The following WDR44 variants were observed in gnomAD, a reference collection of about 807,000 sequenced individuals.
The protein encoded by WDR44 is WD repeat domain 44, also known as WD repeat-containing protein 44.
In WDR44, 9 loss-of-function variants were observed where a neutral mutation model predicts 65.7. The ratio of observed to expected loss-of-function variants is 0.14; its 90% CI spans 0.08 to 0.24. The LOEUF is 0.24. WDR44 is among the 10% of genes least tolerant of loss of function. The pLI is 1.00. For synonymous variants in WDR44, 220 were observed against 235.2 expected, an observed-to-expected ratio of 0.94 and a Z score of 0.59; for missense variants, 425 against 670.9, an observed-to-expected ratio of 0.63 and a Z score of 4.05.
intron 3 of WDR44, among the ~76,000 whole-genome samples, chrX:118,388,835 TTTACTC>T (rs1411878573): frequency 8.9e-6 from 1 of 111,998 alleles, no homozygotes; most frequent in Non-Finnish European, 1.9e-5. Flanking sequence ...TATTCTGTCT[TTTACTC>T]TTACCATTTT....
chrX:118,437,820 G>A (rs2057266114), intron 14 of WDR44, among the ~76,000 whole-genome samples: 1 of 110,471 alleles, frequency 9.1e-6, no homozygotes, highest in South Asian at 3.8e-4. Flanking sequence ...GGCAGATCAC[G>A]AGGTCAAGAG....
At chrX:118,445,249 C>G (rs1049368450) in intron 19 of WDR44, among the ~76,000 whole-genome samples, 1 of 111,587 alleles carries the variant, frequency 9.0e-6, no homozygotes, top group South Asian at 3.7e-4. Flanking sequence ...GAGCTGAGAT[C>G]GCGCCACTGC....
intron 19 of WDR44, among the ~76,000 whole-genome samples, chrX:118,447,368 C>T (rs903729002): frequency 2.7e-5 from 3 of 110,962 alleles, no homozygotes; most frequent in African/African-American, 9.8e-5. Context: ...TTTTAAGAGG[C>T]ACAAATTTTA....
At chrX:118,385,669 G>GA (rs1168075914) in intron 2 of WDR44, among the ~76,000 whole-genome samples, 1 of 110,431 alleles carries the variant, frequency 9.1e-6, no homozygotes, top group Non-Finnish European at 1.9e-5. Flanking sequence ...AAAAAAAAAA[G>GA]AAAAATAGGA....
intron 2 of WDR44, among the ~76,000 whole-genome samples, chrX:118,384,962 T>C (rs756036638): frequency 8.9e-6 from 1 of 111,853 alleles, no homozygotes; most frequent in African/African-American, 3.2e-5. Context: ...GATTTGGCTC[T>C]CTGCTTGGCT....
At chrX:118,382,393 AGTGGAT>A (rs938593686) in intron 2 of WDR44, among the ~76,000 whole-genome samples, 1 of 111,967 alleles carries the variant, frequency 8.9e-6, no homozygotes, top group African/African-American at 3.2e-5. Flanking sequence ...CATTGAAAGG[AGTGGAT>A]GTATGGATAT....
At chrX:118,426,007 G>A (rs758623115) in intron 12 of WDR44, among the ~76,000 whole-genome samples, 44 of 112,148 alleles carry the variant, frequency 3.9e-4, no homozygotes, top group African/African-American at 1.2e-3. Context: ...CCCGGGAGGC[G>A]GAGGTTGCAG....
At chrX:118,373,919 GTTTTA>G (rs760319937) in intron 1 of WDR44, among the ~76,000 whole-genome samples, 161 of 111,742 alleles carry the variant, frequency 1.4e-3, no homozygotes, top group African/African-American at 5.0e-3. Flanking sequence ...GATGGCCATT[GTTTTA>G]TTTTATTTTA....
chrX:118,448,563 A>C (rs2057367200), intron 19 of WDR44, among the ~76,000 whole-genome samples: 1 of 111,727 alleles, frequency 9.0e-6, no homozygotes, highest in South Asian at 3.7e-4. Flanking sequence ...TGAATGACAC[A>C]CTAGCTTCTT....
At chrX:118,348,756 G>A (rs1404787009) in intron 1 of WDR44, among the ~76,000 whole-genome samples, 1 of 111,835 alleles carries the variant, frequency 8.9e-6, no homozygotes, top group East Asian at 2.8e-4. Flanking sequence ...TTGATTTGTG[G>A]AAACAGATTG....
chrX:118,363,940 C>G (rs2056532685), intron 1 of WDR44, among the ~76,000 whole-genome samples: 1 of 111,901 alleles, frequency 8.9e-6, no homozygotes, highest in African/African-American at 3.2e-5. Context: ...ATTTTTATTA[C>G]TTGATGTCTA....
At chrX:118,419,169 AT>A (rs1190388242) in intron 12 of WDR44, among the ~76,000 whole-genome samples, 6 of 111,352 alleles carry the variant, frequency 5.4e-5, no homozygotes, top group Non-Finnish European at 9.4e-5. Flanking sequence ...TGCACACCGG[AT>A]TCGTGCCCTC....
rs778556090 is a variant in WDR44, at chrX:118,444,452, G to A, written c.2605G>A (p.Glu869Lys). ...DVQSEKSEGN[E>K]KSEDAEVLDA... Reference sequence around the variant, plus strand: ...GCAATCTGAAAAATCAGAAGGGAACGAGAAAAGTGAAGATGCTGAAGTTTT... The same window carrying A: ...GCAATCTGAAAAATCAGAAGGGAACAAGAAAAGTGAAGATGCTGAAGTTTT... Residue 869 changes from glutamate to lysine, a missense_variant, in exon 19 of 20, where the codon GAG becomes AAG. Physicochemically the swap from Glu to Lys is moderately conservative, Grantham distance 56 (BLOSUM62 1). Coordinates refer to ENST00000254029, the MANE Select transcript of WDR44 (RefSeq NM_019045.5). 203 of 1,209,691 alleles carry A rather than the reference G, an allele frequency of 1.7e-4. No homozygotes were observed. In the South Asian group the frequency reaches 3.3e-3, roughly 20 times the overall value.
chrX:118,358,839 G>A (rs780598007), intron 1 of WDR44, among the ~76,000 whole-genome samples: 11 of 112,002 alleles, frequency 9.8e-5, no homozygotes, highest in Non-Finnish European at 1.7e-4. Flanking sequence ...TTGGGAGGCC[G>A]AGGCAGGTGG....
intron 8 of WDR44, among the ~76,000 whole-genome samples, chrX:118,399,655 C>T (rs1372852016): frequency 8.9e-6 from 1 of 111,889 alleles, no homozygotes; most frequent in Non-Finnish European, 1.9e-5. Context: ...TATTCAAAGC[C>T]ATTATGCTTA....
chrX:118,353,376 C>CT (rs998341221), intron 1 of WDR44, among the ~76,000 whole-genome samples: 2 of 111,430 alleles, frequency 1.8e-5, no homozygotes, highest in African/African-American at 6.5e-5. Context: ...AGCAACCAGT[C>CT]TATCAGTTAT....
At position 118,393,127 on chromosome X, in the gene WDR44, A is replaced by T; in HGVS notation, c.682A>T (p.Thr228Ser). The stretch of plus-strand genomic sequence containing the variant: ...TCCAGAGCCTGATATAGTGGCTAGT[A>T]CAAAGAAGCCTGTTCCAGCACGCCC... ...LTPEPDIVASTKKPVPARPPP... is the reference protein window; with the variant it reads ...LTPEPDIVASSKKPVPARPPP... Residue 228 changes from threonine (T) to serine (S), a missense_variant, in exon 4 of 20, where the codon ACA becomes TCA. By Grantham distance (58) the Thr-to-Ser change is moderately conservative (BLOSUM62 1). This residue lies in a region of WDR44 where 193 missense variants were observed against 209.0 expected (regional missense o/e 0.92). Coordinates refer to ENST00000254029, the MANE Select transcript of WDR44 (RefSeq NM_019045.5). 1 of 1,212,065 alleles carries T rather than the reference A, an allele frequency of 8.3e-7. No homozygotes were observed. Among genetic ancestry groups the T allele is most frequent in the Non-Finnish European group, 1.1e-6 (1 of 895,609 alleles).
intron 12 of WDR44, among the ~76,000 whole-genome samples, chrX:118,419,511 G>A (rs888051300): frequency 8.9e-6 from 1 of 112,113 alleles, no homozygotes; most frequent in Non-Finnish European, 1.9e-5. Flanking sequence ...CTGCAGTTTG[G>A]GCACTCACAG....
intron 6 of WDR44, 136 bp downstream of exon 6, chrX:118,395,480 T>C: frequency 2.3e-6 from 1 of 428,044 alleles, no homozygotes; most frequent in Non-Finnish European, 3.8e-6. Flanking sequence ...CCCAGAACTA[T>C]ACACTTAAAA....
Sources: allele counts gnomAD v4.1 joint callset (sites outside exome capture counted in the v4.1 genomes callset), GRCh38; gene constraint gnomAD v4.1.1; regional missense constraint gnomAD v4.1.1; transcripts MANE v1.5; gene names NCBI Gene and HGNC (gene_info 2026-07-23, HGNC 2026-07-21).